RDH13: variants seen among roughly 807,000 people sequenced by gnomAD.
The protein encoded by RDH13 is retinol dehydrogenase 13.
Under a neutral mutation model 28.3 loss-of-function variants are expected in RDH13, and 35 were observed. The observed-to-expected ratio is 1.24, with a 90% CI of 0.95 to 1.64. RDH13 has a LOEUF of 1.64. Among genes scored for constraint, RDH13 ranks in the 40% most tolerant of loss-of-function variants. The pLI, the probability that RDH13 is intolerant of heterozygous loss-of-function variation, is 0.00. For synonymous variants in RDH13, 229 were observed against 198.5 expected (o/e 1.15, Z -1.29); for missense variants, 514 against 446.3 (o/e 1.15, Z -1.37).
chr19:55,056,515 C>T, intron 3 of RDH13, 138 bp downstream of exon 3: 1 of 1,001,622 alleles, frequency 1.0e-6, no homozygotes, highest in Non-Finnish European at 1.4e-6. Flanking sequence ...CAAAAAAAGG[C>T]AGCAACTGGA....
chr19:55,063,069 G>GAGT lies in RDH13; in HGVS notation c.-38_-37insACT, dbSNP rs753158910. The stretch of plus-strand genomic sequence containing the variant: ...GACAGGCGTCAGGCGTCAGGGGTCG[G>GAGT]CGCGGAGCTTGCTGCACACCAGCCG... On this transcript the variant is annotated 5_prime_UTR_variant, in exon 1 of 7. Coordinates refer to ENST00000415061, the MANE Select transcript of RDH13 (RefSeq NM_001145971.2). The GAGT allele has an allele frequency of 7.5e-7, 1 of 1,326,866 alleles. No individual in the cohort carries two copies. The highest frequency in any genetic ancestry group is 9.7e-7 in the Non-Finnish European group (1 of 1,035,762). 82.2% of individuals were successfully genotyped at this position (1,326,866 alleles called of 1,614,324 possible).
chr19:55,054,703 G>A (rs112026696), intron 3 of RDH13, among the ~76,000 whole-genome samples: 1 of 152,004 alleles, frequency 6.6e-6, no homozygotes, highest in East Asian at 2.0e-4. Context: ...TGAGTAGCTG[G>A]GACTGTAGGC....
downstream of RDH13, among the ~76,000 whole-genome samples, chr19:55,043,613 A>G (rs2075101847): frequency 1.3e-5 from 2 of 151,620 alleles, no homozygotes; most frequent in Admixed American, 1.3e-4. Context: ...GGTTGCAGTG[A>G]GCTGAGATCA....
intron 1 of RDH13, among the ~76,000 whole-genome samples, chr19:55,061,094 T>C (rs1408469322): frequency 1.3e-5 from 2 of 152,080 alleles, no homozygotes; most frequent in Non-Finnish European, 2.9e-5. Context: ...TCAACCTGCA[T>C]CCTCACTGGA....
At chr19:55,059,087 T>G in intron 2 of RDH13, 70 bp downstream of exon 2, 1 of 1,046,880 alleles carries the variant, frequency 9.6e-7, no homozygotes. Context: ...ACCTCCGGAC[T>G]GTGAATAATG....
At chr19:55,067,539 G>C (rs1337713553), upstream of RDH13, 1 of 152,330 alleles carries the variant, frequency 6.6e-6, no homozygotes, top group African/African-American at 2.4e-5. Context: ...GAAGGGCTGA[G>C]GCGGGAGCCA....
intron 6 of RDH13, 93 bp downstream of exon 6, chr19:55,047,294 G>A (rs373258461): frequency 1.3e-6 from 2 of 1,525,832 alleles, no homozygotes; most frequent in East Asian, 2.4e-5. Flanking sequence ...TGAGGCCTCA[G>A]GGACGGTCTC....
intron 1 of RDH13, among the ~76,000 whole-genome samples, chr19:55,061,664 C>T (rs571253090): frequency 8.6e-5 from 13 of 151,894 alleles, no homozygotes; most frequent in African/African-American, 2.4e-4. Flanking sequence ...TGGTGGTGCA[C>T]GCCTGTAGAG....
upstream of RDH13, chr19:55,063,609 T>C (rs1425359575): frequency 2.7e-5 from 4 of 150,326 alleles, no homozygotes; most frequent in East Asian, 2.0e-4. Flanking sequence ...CTCCTGGGTC[T>C]GAGGGAGGAG....
At chr19:55,060,526 G>A (rs1425460675) in intron 1 of RDH13, among the ~76,000 whole-genome samples, 1 of 152,210 alleles carries the variant, frequency 6.6e-6, no homozygotes, top group Admixed American at 6.5e-5. Context: ...TAAAAACTGA[G>A]GGAACTCAGA....
At chr19:55,047,975 A>C in intron 5 of RDH13, 1 of 1,171,160 alleles carries the variant, frequency 8.5e-7, no homozygotes, top group Non-Finnish European at 1.1e-6. Flanking sequence ...TCTCTCCCCA[A>C]GCCAGCTGTG....
chr19:55,039,387 C>T (rs1303248760), downstream of RDH13: 3 of 152,106 alleles, frequency 2.0e-5, no homozygotes, highest in Admixed American at 1.3e-4. Context: ...CAAAAATTAG[C>T]TGGGCGTTAA....
intron 6 of RDH13, chr19:55,047,068 A>T (rs1043880719): frequency 8.4e-7 from 1 of 1,184,010 alleles, no homozygotes; most frequent in Admixed American, 3.5e-5. Flanking sequence ...GCTCTTCCCC[A>T]GGAGGTGCAG....
intron 5 of RDH13, 26 bp from the exon 6 acceptor site, chr19:55,047,514 G>A: frequency 6.3e-7 from 1 of 1,589,742 alleles, no homozygotes; most frequent in Non-Finnish European, 8.5e-7. Flanking sequence ...AGAGAAGACT[G>A]AGGGAGGGGT....
intron 5 of RDH13, 71 bp from the exon 6 acceptor site, chr19:55,047,559 C>A: frequency 6.6e-7 from 1 of 1,524,650 alleles, no homozygotes; most frequent in Non-Finnish European, 8.8e-7. Flanking sequence ...CAGCCCACAC[C>A]CAGCTGTGGG....
At chr19:55,048,171 C>T in intron 5 of RDH13, 158 bp downstream of exon 5, 1 of 1,535,358 alleles carries the variant, frequency 6.5e-7, no homozygotes, top group Non-Finnish European at 8.7e-7. Context: ...GTGATGTCTG[C>T]TTCAGGCACC....
rs777990677 is a variant in RDH13 at position 55,056,810 on chromosome 19, T to C, written c.185-2A>G. ...GGCAGGCCAGGATGATGTTGCCTCC[T>C]GAAAACCCAGGATGGAAAAAGATTT... On this transcript the variant is annotated splice_acceptor_variant, in intron 2 of 6. Coordinates refer to ENST00000415061, the MANE Select transcript of RDH13 (RefSeq NM_001145971.2). LOFTEE classifies it high-confidence loss of function. The C allele has an allele frequency of 1.3e-5, 21 of 1,613,174 alleles. No individual in the cohort carries two copies. Among genetic ancestry groups the C allele is most frequent in the Non-Finnish European group, 1.8e-5 (21 of 1,179,380 alleles).
intron 4 of RDH13, 40 bp from the exon 5 acceptor site, chr19:55,048,581 C>T: frequency 4.3e-6 from 7 of 1,611,800 alleles, no homozygotes; most frequent in Non-Finnish European, 5.9e-6. Flanking sequence ...TTGACTCACA[C>T]CTAAAATCCC....
intron 2 of RDH13, among the ~76,000 whole-genome samples, chr19:55,057,501 C>T (rs2075676268): frequency 6.7e-6 from 1 of 150,000 alleles, no homozygotes; most frequent in Admixed American, 6.7e-5. Flanking sequence ...GGCGCAATCT[C>T]GGCTCACTGC....
Sources: allele counts gnomAD v4.1 joint callset (sites outside exome capture counted in the v4.1 genomes callset), GRCh38; gene constraint gnomAD v4.1.1; transcripts MANE v1.5; gene names NCBI Gene and HGNC (gene_info 2026-07-23, HGNC 2026-07-21).